The following CSMD1 variants were observed in gnomAD, a reference collection of about 807,000 sequenced individuals.
CSMD1 encodes the protein CUB and sushi domain-containing protein 1.
CSMD1 carries 213 observed loss-of-function variants against 417.5 expected under a neutral mutation model. That is an observed-to-expected ratio of 0.51 (90% CI 0.46 to 0.57). The LOEUF (loss-of-function observed/expected upper bound fraction) is 0.57, where lower values mean the gene tolerates loss of function less well. Among genes scored for constraint, CSMD1 ranks in the 20% least tolerant of loss-of-function variants. The pLI, the probability that CSMD1 is intolerant of heterozygous loss-of-function variation, is 0.00. For missense variants in CSMD1, 6,923 were observed against 4,529.7 expected (o/e 1.53, Z -15.17); for synonymous variants, 2,862 against 1,736.8 (o/e 1.65, Z -16.11).
chr8:3,106,377 G>A (rs1347923590), intron 46 of CSMD1, 151 bp downstream of exon 46: 3 of 505,490 alleles, frequency 5.9e-6, no homozygotes, highest in Non-Finnish European at 1.0e-5. Flanking sequence ...CCACCTGGGT[G>A]ACAGAGTAAG....
At chr8:4,870,761 A>T (rs116963716) in intron 1 of CSMD1, among the ~76,000 whole-genome samples, 16 of 152,230 alleles carry the variant, frequency 1.1e-4, no homozygotes, top group Non-Finnish European at 1.6e-4. Context: ...TGCTCCATTC[A>T]GGCTGAGCAG....
At chr8:4,127,230 C>T (rs1802816960) in intron 3 of CSMD1, among the ~76,000 whole-genome samples, 1 of 152,008 alleles carries the variant, frequency 6.6e-6, no homozygotes, top group South Asian at 2.1e-4. Flanking sequence ...AAACCCATGG[C>T]CTTACGGAAA....
intron 4 of CSMD1, among the ~76,000 whole-genome samples, chr8:4,023,635 A>G (rs1049275097): frequency 1.4e-5 from 2 of 145,682 alleles, no homozygotes; most frequent in South Asian, 2.2e-4. Context: ...CGCCCAGGCT[A>G]GAGTGCAGTG....
At chr8:3,605,076 C>T (rs922526280) in intron 8 of CSMD1, among the ~76,000 whole-genome samples, 1 of 152,148 alleles carries the variant, frequency 6.6e-6, no homozygotes, top group South Asian at 2.1e-4. Flanking sequence ...CTTACTGCAA[C>T]CTCAGCCTCC....
At chr8:3,285,699 C>T (rs534488119) in intron 25 of CSMD1, among the ~76,000 whole-genome samples, 1 of 151,852 alleles carries the variant, frequency 6.6e-6, no homozygotes, top group Non-Finnish European at 1.5e-5. Flanking sequence ...ACGCCCAGAC[C>T]AGAACTTTTT....
At chr8:4,183,264 T>C (rs1798478333) in intron 3 of CSMD1, among the ~76,000 whole-genome samples, 1 of 152,148 alleles carries the variant, frequency 6.6e-6, no homozygotes. Flanking sequence ...AGACTGAAAA[T>C]TTAATTCTGT....
At chr8:3,597,978 G>A (rs751548376) in intron 8 of CSMD1, among the ~76,000 whole-genome samples, 4 of 152,050 alleles carry the variant, frequency 2.6e-5, no homozygotes, top group Non-Finnish European at 5.9e-5. Flanking sequence ...CAGAACTTAA[G>A]GTATATTAAA....
At chr8:3,806,508 C>T (rs931129963) in intron 5 of CSMD1, among the ~76,000 whole-genome samples, 36 of 152,252 alleles carry the variant, frequency 2.4e-4, no homozygotes, top group African/African-American at 7.5e-4. Context: ...CACAGAGCCA[C>T]GGTGCTCTGT....
chr8:4,945,379 A>G (rs186190012), intron 1 of CSMD1, among the ~76,000 whole-genome samples: 212 of 152,160 alleles, frequency 1.4e-3, no homozygotes, highest in Non-Finnish European at 2.3e-3. Context: ...TGCCTGCCGA[A>G]AAATAGTTCA....
Position 3,959,429 on chromosome 8 carries a change from G to T in CSMD1, c.818+38474C>A, listed in dbSNP as rs947813326. 2.0e-5 allele frequency among the ~76,000 whole-genome samples: 3 copies of T among 152,194 alleles called. No homozygotes were observed. In the East Asian group the frequency reaches 5.8e-4, roughly 29 times the overall value. ...TGGGAAGATCACTTGAACCTGGGAG[G>T]TGGAGGTTGCAGTGAGCCAAGATCA... On this transcript the variant is annotated intron_variant, in intron 5 of 69. Transcript: ENST00000635120.
intron 8 of CSMD1, among the ~76,000 whole-genome samples, chr8:3,612,780 A>C (rs1353732493): frequency 6.6e-6 from 1 of 152,118 alleles, no homozygotes; most frequent in African/African-American, 2.4e-5. Flanking sequence ...CCAAAGCATT[A>C]CTTAGAGGAA....
chr8:3,240,108 G>C (rs912074107), intron 26 of CSMD1, among the ~76,000 whole-genome samples: 3 of 152,198 alleles, frequency 2.0e-5, no homozygotes, highest in Admixed American at 1.3e-4. Context: ...GAAGACTTGA[G>C]GGCTAGGCAA....
At chr8:4,407,699 T>C (rs796602122) in intron 3 of CSMD1, among the ~76,000 whole-genome samples, 17 of 152,340 alleles carry the variant, frequency 1.1e-4, no homozygotes, top group African/African-American at 4.1e-4. Flanking sequence ...GTTATCACGA[T>C]ATTCATAAAT....
intron 11 of CSMD1, among the ~76,000 whole-genome samples, chr8:3,469,616 T>A (rs1234056952): frequency 6.6e-6 from 1 of 152,156 alleles, no homozygotes; most frequent in Non-Finnish European, 1.5e-5. Flanking sequence ...AGAAAATCAA[T>A]TCAACCAAAA....
At chr8:3,691,729 T>C (rs1383783697) in intron 7 of CSMD1, among the ~76,000 whole-genome samples, 1 of 152,158 alleles carries the variant, frequency 6.6e-6, no homozygotes, top group African/African-American at 2.4e-5. Context: ...ATATTATCGC[T>C]ATTTTAGAAT....
At chr8:3,735,675 C>G (rs993355212) in intron 6 of CSMD1, among the ~76,000 whole-genome samples, 1 of 152,200 alleles carries the variant, frequency 6.6e-6, no homozygotes, top group Admixed American at 6.5e-5. Context: ...GGGCTGCCCT[C>G]TGGAGAGGCT....
intron 12 of CSMD1, among the ~76,000 whole-genome samples, chr8:3,456,785 C>G (rs6998486): frequency 6.6e-6 from 1 of 151,912 alleles, no homozygotes; most frequent in Non-Finnish European, 1.5e-5. Flanking sequence ...ATCCCCATTG[C>G]CCATTATAGA....
intron 49 of CSMD1, among the ~76,000 whole-genome samples, chr8:3,059,973 G>C (rs1031689572): frequency 6.6e-6 from 1 of 152,028 alleles, no homozygotes; most frequent in African/African-American, 2.4e-5. Context: ...ATTAGGCAGT[G>C]GGTATTAGGT....
intron 3 of CSMD1, among the ~76,000 whole-genome samples, chr8:4,335,221 G>A (rs909900624): frequency 1.3e-5 from 2 of 151,908 alleles, no homozygotes; most frequent in African/African-American, 4.8e-5. Flanking sequence ...TCTTTTCTAT[G>A]GATACTGATC....
Sources: gnomAD v4.1 joint callset for allele counts (sites outside exome capture counted in the v4.1 genomes callset) on GRCh38, gnomAD v4.1.1 for gene constraint, MANE v1.5 for transcripts, NCBI Gene and HGNC (gene_info 2026-07-23, HGNC 2026-07-21) for gene names.